Variants in ADGRL4 observed in about 807,000 individuals in gnomAD.
The protein encoded by ADGRL4 is EGF, latrophilin and seven transmembrane domain containing 1.
A neutral mutation model predicts 74.8 loss-of-function variants in ADGRL4; 90 were observed. The ratio of observed to expected loss-of-function variants is 1.20; its 90% CI spans 1.02 to 1.43. The LOEUF (loss-of-function observed/expected upper bound fraction) is 1.43, where lower values mean the gene tolerates loss of function less well. ADGRL4 is among the 40% of genes most tolerant of loss of function. The pLI, the probability that ADGRL4 is intolerant of heterozygous loss-of-function variation, is 0.00. For synonymous variants in ADGRL4, 311 were observed against 279.2 expected (o/e 1.11, Z -1.14); for missense variants, 881 against 814.3 (o/e 1.08, Z -1.00).
Position 78,922,334 on chromosome 1 carries a change from C to T in ADGRL4, c.1084-548G>A, listed in dbSNP as rs1247586643. On this transcript the variant is annotated intron_variant, in intron 8 of 14. Transcript: ENST00000370742. ...CCAACAGACTTGGGAACAGAGGGTT[C>T]CAAACAGTTGGAAATGCAAATGGAC... Among the ~76,000 whole-genome samples, 4 of 151,848 alleles carry T rather than the reference C, an allele frequency of 2.6e-5. 1 individual carries two copies. In the South Asian group the frequency reaches 8.3e-4, roughly 31 times the overall value.
chr1:78,935,990 G>A lies in ADGRL4; in HGVS notation c.877+305C>T, dbSNP rs1237065942. On this transcript the variant is annotated intron_variant, in intron 7 of 14. Coordinates refer to ENST00000370742, the MANE Select transcript of ADGRL4 (RefSeq NM_022159.4). ...TACAAAAAAATTAGCCGGGCGTGAT[G>A]GCGGGCGCCTGTAGTCCCAGCTACT... 2.3e-4 allele frequency among the ~76,000 whole-genome samples: 18 copies of A among 79,562 alleles called. 7 individuals carry two copies. The highest frequency in any genetic ancestry group is 7.2e-4 in the African/African-American group (18 of 25,140). 52.2% of individuals were successfully genotyped at this position (79,562 alleles called of 152,430 possible).
intron 2 of ADGRL4, among the ~76,000 whole-genome samples, chr1:78,971,175 C>T (rs1409856975): frequency 3.3e-5 from 5 of 152,170 alleles, no homozygotes; most frequent in South Asian, 2.1e-4. Context: ...AAACTCTTGA[C>T]TGCTATTTTC....
intron 2 of ADGRL4, among the ~76,000 whole-genome samples, chr1:79,004,746 T>C (rs1650924553): frequency 1.3e-5 from 2 of 152,162 alleles, no homozygotes; most frequent in Non-Finnish European, 2.9e-5. Context: ...AGGCGATACA[T>C]AGCAGTATAC....
chr1:79,002,614 A>T (rs984761523), intron 2 of ADGRL4, among the ~76,000 whole-genome samples: 9 of 152,068 alleles, frequency 5.9e-5, no homozygotes, highest in African/African-American at 2.2e-4. Flanking sequence ...AGGTAGAATA[A>T]ACTGAATTAG....
At chr1:78,975,345 A>G (rs1166419128) in intron 2 of ADGRL4, among the ~76,000 whole-genome samples, 1 of 152,062 alleles carries the variant, frequency 6.6e-6, no homozygotes, top group Non-Finnish European at 1.5e-5. Flanking sequence ...ATGATGGTAA[A>G]TCCTATATTT....
intron 2 of ADGRL4, among the ~76,000 whole-genome samples, chr1:78,984,262 A>T (rs1171002227): frequency 6.6e-6 from 1 of 151,804 alleles, no homozygotes; most frequent in Non-Finnish European, 1.5e-5. Flanking sequence ...CTGAACTATA[A>T]AACTAATTAA....
At chr1:78,932,613 C>CAAAAAAAAA (rs557004722) in intron 7 of ADGRL4, among the ~76,000 whole-genome samples, 7 of 57,294 alleles carry the variant, frequency 1.2e-4, no homozygotes, top group East Asian at 9.2e-4. Flanking sequence ...AAAACCCCTC[C>CAAAAAAAAA]AAAAAAAAAA....
intron 6 of ADGRL4, among the ~76,000 whole-genome samples, chr1:78,937,459 A>G (rs186544579): frequency 3.3e-5 from 5 of 152,322 alleles, no homozygotes; most frequent in African/African-American, 1.2e-4. Context: ...CAAACAGACA[A>G]ACAAAATCCA....
At chr1:78,894,937 G>T (rs940236791) in intron 12 of ADGRL4, among the ~76,000 whole-genome samples, 6 of 151,850 alleles carry the variant, frequency 4.0e-5, no homozygotes, top group Non-Finnish European at 7.4e-5. Context: ...ACTGCTAATG[G>T]TTTCTCAGAA....
At chr1:78,990,479 T>C (rs1342712153) in intron 2 of ADGRL4, among the ~76,000 whole-genome samples, 1 of 151,978 alleles carries the variant, frequency 6.6e-6, no homozygotes, top group African/African-American at 2.4e-5. Flanking sequence ...TGGATTACAA[T>C]CTGAAGACTT....
chr1:78,926,041 A>T (rs1266998626), intron 8 of ADGRL4, among the ~76,000 whole-genome samples: 1 of 151,980 alleles, frequency 6.6e-6, no homozygotes, highest in Non-Finnish European at 1.5e-5. Context: ...CTTTTTATAC[A>T]TTTAGTTTCT....
At chr1:78,932,100 C>CT (rs1267966539) in intron 7 of ADGRL4, among the ~76,000 whole-genome samples, 1 of 151,490 alleles carries the variant, frequency 6.6e-6, no homozygotes, top group Non-Finnish European at 1.5e-5. Context: ...TTACAGAACT[C>CT]TTACCCCCAA....
chr1:78,927,489 C>T (rs1649143403), intron 7 of ADGRL4, among the ~76,000 whole-genome samples: 1 of 152,058 alleles, frequency 6.6e-6, no homozygotes, highest in African/African-American at 2.4e-5. Flanking sequence ...AGGAAATTAT[C>T]ACAGGCTGAT....
intron 8 of ADGRL4, among the ~76,000 whole-genome samples, chr1:78,922,590 T>C (rs1431867827): frequency 6.6e-6 from 1 of 152,060 alleles, no homozygotes; most frequent in Non-Finnish European, 1.5e-5. Flanking sequence ...AATAATAATT[T>C]ATCAATAAAA....
At chr1:78,920,703 G>T (rs1188725976) in intron 9 of ADGRL4, among the ~76,000 whole-genome samples, 1 of 151,664 alleles carries the variant, frequency 6.6e-6, no homozygotes, top group East Asian at 1.9e-4. Context: ...AAAGGCAATC[G>T]ATTATTATAA....
chr1:78,959,581 G>A (rs1649903800), intron 2 of ADGRL4, among the ~76,000 whole-genome samples: 1 of 152,144 alleles, frequency 6.6e-6, no homozygotes, highest in Non-Finnish European at 1.5e-5. Flanking sequence ...CAAAATGTCA[G>A]AACATTGCAT....
intron 2 of ADGRL4, among the ~76,000 whole-genome samples, chr1:78,977,601 G>T (rs973339523): frequency 6.6e-6 from 1 of 151,878 alleles, no homozygotes; most frequent in African/African-American, 2.4e-5. Context: ...ACCATGCGAA[G>T]CTGTTGCAAG....
At chr1:78,961,016 T>G (rs1649940551) in intron 2 of ADGRL4, among the ~76,000 whole-genome samples, 1 of 152,312 alleles carries the variant, frequency 6.6e-6, no homozygotes, top group Non-Finnish European at 1.5e-5. Context: ...ATTGAGTAAG[T>G]TTTTTTCATC....
At chr1:78,911,614 AACACACAC>A (rs34707725) in intron 12 of ADGRL4, among the ~76,000 whole-genome samples, 108,468 of 149,962 alleles carry the variant, frequency 0.72, 39,352 homozygotes, top group Middle Eastern at 0.77. Context: ...TCAAGATCTA[AACACACAC>A]ACACACACAC....
Sources: allele counts gnomAD v4.1 joint callset (sites outside exome capture counted in the v4.1 genomes callset), GRCh38; gene constraint gnomAD v4.1.1; transcripts MANE v1.5; gene names NCBI Gene and HGNC (gene_info 2026-07-23, HGNC 2026-07-21).